Variants in ACSL1 observed in about 807,000 individuals in gnomAD.
The protein encoded by ACSL1 is long-chain-fatty-acid--CoA ligase 1.
ACSL1 carries 41 observed loss-of-function variants against 98.4 expected under a neutral mutation model. The observed-to-expected ratio is 0.42, with a 90% CI of 0.32 to 0.54. ACSL1 has a LOEUF of 0.54. ACSL1 is among the 20% of genes least tolerant of loss of function. ACSL1 has a pLI of 0.13. For synonymous variants in ACSL1, 316 were observed against 322.7 expected, an observed-to-expected ratio of 0.98 and a Z score of 0.22; for missense variants, 734 against 883.1, an observed-to-expected ratio of 0.83 and a Z score of 2.14.
At chr4:184,791,495 C>T (rs923345129) in intron 2 of ACSL1, among the ~76,000 whole-genome samples, 18 of 152,282 alleles carry the variant, frequency 1.2e-4, no homozygotes, top group East Asian at 3.9e-4. Flanking sequence ...CTGCTGAATC[C>T]GAAACTCTGG....
At chr4:184,789,468 A>C (rs1402997770) in intron 2 of ACSL1, among the ~76,000 whole-genome samples, 1 of 152,246 alleles carries the variant, frequency 6.6e-6, no homozygotes, top group African/African-American at 2.4e-5. Flanking sequence ...CTCCTCACCA[A>C]GCGCAATATC....
At chr4:184,798,089 T>A (rs1769770942) in intron 2 of ACSL1, among the ~76,000 whole-genome samples, 1 of 152,176 alleles carries the variant, frequency 6.6e-6, no homozygotes, top group Admixed American at 6.5e-5. Context: ...AATTTAGTCA[T>A]CCAACTAGGA....
chr4:184,822,336 C>T (rs1561253348), intron 1 of ACSL1, among the ~76,000 whole-genome samples: 1 of 152,104 alleles, frequency 6.6e-6, no homozygotes, highest in Admixed American at 6.5e-5. Context: ...AGGGTGACAC[C>T]CTCCAAGCCA....
chr4:184,764,716 C>T, intron 15 of ACSL1, 137 bp downstream of exon 15: 3 of 753,524 alleles, frequency 4.0e-6, no homozygotes, highest in Non-Finnish European at 6.3e-6. Context: ...TGTTTGCCCC[C>T]AGAGCCTAAT....
At chr4:184,768,968 C>T (rs1764065749) in intron 11 of ACSL1, among the ~76,000 whole-genome samples, 1 of 151,950 alleles carries the variant, frequency 6.6e-6, no homozygotes, top group South Asian at 2.1e-4. Flanking sequence ...ACTCAGGAGG[C>T]TGAGGCTGGA....
chr4:184,805,610 G>T, intron 1 of ACSL1: 1 of 756,206 alleles, frequency 1.3e-6, no homozygotes, highest in Non-Finnish European at 1.6e-6. Context: ...GTGGGCGGGG[G>T]TTAGCAGGGC....
chr4:184,785,615 G>GGGGGGGGGGGGA (rs1767127466), intron 3 of ACSL1, among the ~76,000 whole-genome samples: 1 of 29,674 alleles, frequency 3.4e-5, no homozygotes, highest in Non-Finnish European at 1.0e-4. Flanking sequence ...GCGGGGGGGG[G>GGGGGGGGGGGGA]GGGGGGAAGG....
At chr4:184,810,617 T>G (rs932383866) in intron 1 of ACSL1, among the ~76,000 whole-genome samples, 1 of 152,194 alleles carries the variant, frequency 6.6e-6, no homozygotes. Flanking sequence ...GAAAATGAGC[T>G]ATCCTTCATG....
intron 1 of ACSL1, among the ~76,000 whole-genome samples, chr4:184,809,799 AAAAATAAAAAT>A (rs1169323019): frequency 6.6e-6 from 1 of 152,198 alleles, no homozygotes; most frequent in Non-Finnish European, 1.5e-5. Flanking sequence ...CTGTCTCAAA[AAAAATAAAAAT>A]AAAATAAACA....
chr4:184,777,008 A>G (rs1470200771), intron 5 of ACSL1, 25 bp from the exon 6 acceptor site: 4 of 1,592,494 alleles, frequency 2.5e-6, no homozygotes. Flanking sequence ...AAGGTCAGGG[A>G]GAGAAAACAG....
At chr4:184,811,386 A>G (rs772011804) in intron 1 of ACSL1, among the ~76,000 whole-genome samples, 16 of 152,196 alleles carry the variant, frequency 1.1e-4, no homozygotes, top group East Asian at 5.8e-4. Flanking sequence ...TGCTGGGATT[A>G]CAGGTGTGAG....
chr4:184,767,201 G>A (rs1275560059), intron 12 of ACSL1, among the ~76,000 whole-genome samples: 1 of 150,822 alleles, frequency 6.6e-6, no homozygotes, highest in East Asian at 1.9e-4. Flanking sequence ...AGGACTGCTT[G>A]AGCCCTGGAG....
intron 1 of ACSL1, among the ~76,000 whole-genome samples, chr4:184,817,755 C>T (rs111737443): frequency 2.5e-3 from 388 of 152,262 alleles, no homozygotes; most frequent in African/African-American, 7.5e-3. Context: ...GAGAGCAGGA[C>T]GCTACTGGTG....
At chr4:184,772,904 T>C (rs896647970) in intron 10 of ACSL1, among the ~76,000 whole-genome samples, 177 bp downstream of exon 10, 2 of 152,120 alleles carry the variant, frequency 1.3e-5, no homozygotes, top group African/African-American at 4.8e-5. Context: ...GGCGATTAGG[T>C]TCAAAGTGAA....
chr4:184,815,229 G>A, intron 1 of ACSL1: 2 of 377,536 alleles, frequency 5.3e-6, no homozygotes, highest in South Asian at 1.9e-5. Flanking sequence ...AGACAGGAGT[G>A]GGTGGAGAAA....
chr4:184,781,999 T>A (rs1224608923), intron 4 of ACSL1, among the ~76,000 whole-genome samples: 2 of 152,172 alleles, frequency 1.3e-5, no homozygotes, highest in Admixed American at 6.5e-5. Context: ...AGACCATACC[T>A]ACTCCTGGCC....
Position 184,811,819 on chromosome 4 carries a change from A to G in ACSL1, c.-32-8273T>C, listed in dbSNP as rs144085178. ...TGATTAGCATGACAAATTTTATGTT[A>G]TATATATTTTACCACAATAAAAAAA... On this transcript the variant is annotated intron_variant, in intron 1 of 20. Transcript: ENST00000281455. Among the ~76,000 whole-genome samples the G allele has an allele frequency of 1.5e-3, 227 of 152,296 alleles. 1 individual carries two copies. The highest frequency in any genetic ancestry group is 1.7e-3 in the Non-Finnish European group (114 of 68,010).
chr4:184,803,504 T>G lies in ACSL1; in HGVS notation c.11A>C (p.His4Pro). Residue 4 changes from histidine (H) to proline (P), a missense_variant, in exon 2 of 21, where the codon CAT becomes CCT. His to Pro is a moderately conservative substitution (Grantham distance 77). Coordinates refer to ENST00000281455, the MANE Select transcript of ACSL1 (RefSeq NM_001995.5). This position sits in a 1 kb window ranked among gnomAD's most constrained non-coding sequence, Gnocchi z 4.8. MQA[H>P]ELFRYFRMPE... ...CATTCGAAAATACCGGAACAGCTCA[T>G]GGGCTTGCATTGTCCTGTGTTGATA... 6.3e-7 allele frequency: 1 copy of G among 1,587,380 alleles called. No individual in the cohort carries two copies. Among genetic ancestry groups the G allele is most frequent in the Non-Finnish European group, 8.6e-7 (1 of 1,165,204 alleles).
Position 184,816,363 on chromosome 4 carries a change from T to G in ACSL1, c.-33+9553A>C, listed in dbSNP as rs180808413. Reference sequence around the variant, plus strand: ...AGGTACTGGTGACAACCACGAGACATGAGCTAAAATTACACAAAGAGCTCA... The same window carrying G: ...AGGTACTGGTGACAACCACGAGACAGGAGCTAAAATTACACAAAGAGCTCA... On this transcript the variant is annotated intron_variant, in intron 1 of 20. Coordinates refer to ENST00000281455, the MANE Select transcript of ACSL1 (RefSeq NM_001995.5). Among the ~76,000 whole-genome samples the G allele has an allele frequency of 3.1e-3, 477 of 152,104 alleles. 12 individuals are homozygous for G. The highest frequency in any genetic ancestry group is 1.4e-3 in the Non-Finnish European group (93 of 67,968).
Sources: gnomAD v4.1 joint callset for allele counts (sites outside exome capture counted in the v4.1 genomes callset) on GRCh38, gnomAD v4.1.1 for gene constraint, Gnocchi (gnomAD v3.1) non-coding constraint, MANE v1.5 for transcripts, NCBI Gene and HGNC (gene_info 2026-07-23, HGNC 2026-07-21) for gene names.